BMP1: variants seen among roughly 807,000 people sequenced by gnomAD.
BMP1 encodes bone morphogenetic protein 1.
A neutral mutation model predicts 116.8 loss-of-function variants in BMP1; 63 were observed. That is an observed-to-expected ratio of 0.54 (90% CI 0.44 to 0.67). BMP1 has a LOEUF of 0.67. Ranked by LOEUF, BMP1 falls within the 30% of genes least tolerant of loss-of-function variation. The pLI, the probability that BMP1 is intolerant of heterozygous loss-of-function variation, is 0.00. For synonymous variants in BMP1, 536 were observed against 533.4 expected (o/e 1.00, Z -0.07); for missense variants, 1,183 against 1,358.9 (o/e 0.87, Z 2.04).
At chr8:22,205,738 G>A (rs1313036641) in intron 16 of BMP1, among the ~76,000 whole-genome samples, 3 of 152,174 alleles carry the variant, frequency 2.0e-5, no homozygotes, top group African/African-American at 7.2e-5. Flanking sequence ...TCGCACTACT[G>A]TACTCCAGCC....
At chr8:22,192,522 A>C (rs545087032) in intron 9 of BMP1, among the ~76,000 whole-genome samples, 1 of 152,110 alleles carries the variant, frequency 6.6e-6, no homozygotes, top group African/African-American at 2.4e-5. Context: ...CAGAGGATCC[A>C]CTATTTTTTT....
At position 22,208,719 on chromosome 8, in the gene BMP1, C is replaced by T. The variant is rs538284429; in HGVS notation, c.2576-726C>T. 3.3e-5 allele frequency among the ~76,000 whole-genome samples: 5 copies of T among 152,338 alleles called. No homozygotes were observed. In the East Asian group the frequency reaches 9.6e-4, roughly 29 times the overall value. The stretch of plus-strand genomic sequence containing the variant: ...CTTGAGTGCCAGACCAAGGATGCCA[C>T]GAGGGAGCTTTGCAGTCTCCTCCTG... On this transcript the variant is annotated intron_variant, in intron 18 of 19. Transcript: ENST00000306385.
At chr8:22,199,474 C>G (rs2131892525) in intron 15 of BMP1, 1 of 1,140,178 alleles carries the variant, frequency 8.8e-7, no homozygotes, top group South Asian at 1.7e-5. Context: ...CCAGGTGAGG[C>G]TGCCCACTCC....
intron 2 of BMP1, among the ~76,000 whole-genome samples, chr8:22,174,976 G>A (rs1828390997): frequency 6.6e-6 from 1 of 152,182 alleles, no homozygotes; most frequent in African/African-American, 2.4e-5. Flanking sequence ...ACACTGTGGT[G>A]TGCCTGAAGT....
chr8:22,211,533 A>G (rs927049819), intron 19 of BMP1, 61 bp from the exon 20 acceptor site: 1 of 1,606,398 alleles, frequency 6.2e-7, no homozygotes. Context: ...GATCTTGGGG[A>G]GGCAGGACAG....
intron 8 of BMP1, among the ~76,000 whole-genome samples, chr8:22,183,836 A>T (rs1027285279): frequency 6.6e-6 from 1 of 152,136 alleles, no homozygotes; most frequent in African/African-American, 2.4e-5. Flanking sequence ...TCGGCCTCCC[A>T]GAGTGCTGGG....
At chr8:22,177,742 C>A (rs200696604) in intron 5 of BMP1, 110 bp from the exon 6 acceptor site, 6 of 867,076 alleles carry the variant, frequency 6.9e-6, no homozygotes, top group Non-Finnish European at 1.2e-5. Context: ...GGTAGGGGGA[C>A]TCTCTCAGAT....
In BMP1 at chr8:22,176,184, G is replaced by A. The variant is rs984549151; in HGVS notation, c.304G>A (p.Gly102Arg). The change falls in exon 3 of 20, where the codon GGG becomes AGG. Residue 102 changes from glycine (G) to arginine (R), a missense_variant. Gly to Arg is a moderately radical substitution (Grantham distance 125). Transcript: ENST00000306385. ...TACCCCCAGCTGCCAGAGCACCAAC[G>A]GGCAGCCTCAGAGGGGAGCCTGTGG... is the stretch of plus-strand genomic sequence containing the variant. ...TSTPSCQSTN[G>R]QPQRGACGRW... 3.1e-6 allele frequency: 5 copies of A among 1,614,152 alleles called. No individual in the cohort carries two copies. The highest frequency in any genetic ancestry group is 1.3e-5 in the African/African-American group (1 of 75,056).
At chr8:22,181,302 G>C (rs1049523932) in intron 8 of BMP1, among the ~76,000 whole-genome samples, 1 of 152,154 alleles carries the variant, frequency 6.6e-6, no homozygotes, top group African/African-American at 2.4e-5. Context: ...GGCTGGCTTC[G>C]GGCATACTAC....
intron 9 of BMP1, 118 bp from the exon 10 acceptor site, chr8:22,193,940 G>A (rs546297968): frequency 2.3e-4 from 182 of 791,526 alleles, no homozygotes; most frequent in Non-Finnish European, 3.6e-4. Context: ...TCTTGGGAAT[G>A]TGTGAAGTAG....
chr8:22,187,084 G>C lies in BMP1; in HGVS notation c.1078-4965G>C, dbSNP rs113859493. ...CAGCTCACTGCAACCTCTGCATCTC[G>C]GGTTCAAGTGATTCTCATGCCTCAG... On this transcript the variant is annotated intron_variant, in intron 8 of 19. Coordinates refer to ENST00000306385, the MANE Select transcript of BMP1 (RefSeq NM_006129.5). 2.8e-3 allele frequency among the ~76,000 whole-genome samples: 421 copies of C among 150,284 alleles called. 3 individuals are homozygous for C. Among genetic ancestry groups the C allele is most frequent in the African/African-American group, 9.9e-3 (405 of 40,932 alleles).
intron 16 of BMP1, among the ~76,000 whole-genome samples, chr8:22,202,360 T>C (rs1406555741): frequency 2.0e-5 from 3 of 152,170 alleles, no homozygotes; most frequent in Non-Finnish European, 2.9e-5. Context: ...CTTGGTTTGC[T>C]CCTGGGTAAA....
At chr8:22,183,905 A>G (rs931940741) in intron 8 of BMP1, among the ~76,000 whole-genome samples, 11 of 152,174 alleles carry the variant, frequency 7.2e-5, no homozygotes, top group African/African-American at 2.7e-4. Context: ...TGTTATGTCC[A>G]ACATTATCGT....
At chr8:22,165,882 CGTGT>C (rs149003237) in intron 1 of BMP1, among the ~76,000 whole-genome samples, 3,462 of 131,380 alleles carry the variant, frequency 0.026, 106 homozygotes, top group African/African-American at 0.081. Context: ...CCTGTGCGTG[CGTGT>C]GTGTGTGTGT....
At chr8:22,205,213 G>A (rs1350002915) in intron 16 of BMP1, among the ~76,000 whole-genome samples, 1 of 152,184 alleles carries the variant, frequency 6.6e-6, no homozygotes, top group Admixed American at 6.5e-5. Flanking sequence ...GCTTGAGGAG[G>A]GGGCTGGATG....
At chr8:22,176,801 C>A in intron 4 of BMP1, 151 bp downstream of exon 4, 1 of 992,282 alleles carries the variant, frequency 1.0e-6, no homozygotes. Flanking sequence ...GCCCCCTGTG[C>A]GGCTGTGACC....
intron 15 of BMP1, chr8:22,201,080 C>T (rs367612024): frequency 6.3e-5 from 101 of 1,592,884 alleles, no homozygotes; most frequent in Non-Finnish European, 7.4e-5. Flanking sequence ...TCCACCCCCA[C>T]CCCTTGGTCC....
Position 22,194,959 on chromosome 8 carries a change from G to C in BMP1, c.1639+40G>C, listed in dbSNP as rs370165941. ...ACTCTCCCCTGCCCCAAGGTGCCTC[G>C]TGACCTTCATCCCTTCTTCACTCAC... On this transcript the variant is annotated intron_variant, in intron 12 of 19. Coordinates refer to ENST00000306385, the MANE Select transcript of BMP1 (RefSeq NM_006129.5). The surrounding 1 kb of genome is among the most constrained non-coding windows in gnomAD (Gnocchi z 4.5). The C allele has an allele frequency of 3.9e-5, 60 of 1,551,798 alleles. No individual in the cohort carries two copies. The highest frequency in any genetic ancestry group is 5.0e-5 in the Non-Finnish European group (57 of 1,146,166).
At chr8:22,204,995 G>A (rs908860550) in intron 16 of BMP1, among the ~76,000 whole-genome samples, 22 of 152,134 alleles carry the variant, frequency 1.4e-4, no homozygotes, top group South Asian at 2.1e-4. Flanking sequence ...GTTCCCACGC[G>A]TGGGCAGCAA....
Sources: gnomAD v4.1 joint callset for allele counts (sites outside exome capture counted in the v4.1 genomes callset) on GRCh38, gnomAD v4.1.1 for gene constraint, Gnocchi (gnomAD v3.1) non-coding constraint, MANE v1.5 for transcripts, NCBI Gene and HGNC (gene_info 2026-07-23, HGNC 2026-07-21) for gene names.